REST: variants seen among roughly 807,000 people sequenced by gnomAD.
REST encodes RE1 silencing transcription factor, also known as RE1-silencing transcription factor.
In REST, 1 loss-of-function variant was observed where a neutral mutation model predicts 30.4. That is an observed-to-expected ratio of 0.03 (90% CI 0.01 to 0.16). The LOEUF is 0.16. REST is among the 10% of genes least tolerant of loss of function. The pLI is 1.00. For missense variants in REST, 1,259 were observed against 1,329.5 expected (o/e 0.95, Z 0.82); for synonymous variants, 504 against 451.1 (o/e 1.12, Z -1.49).
intron 1 of REST, 66 bp from the exon 2 acceptor site, chr4:56,910,564 G>A (rs2109522233): frequency 1.1e-5 from 15 of 1,340,154 alleles, no homozygotes; most frequent in Non-Finnish European, 1.4e-5. Flanking sequence ...TTACAGCGAT[G>A]TGGTTTTAAG....
Position 56,911,231 on chromosome 4 carries a change from C to T in REST, c.593C>T (p.Ala198Val), listed in dbSNP as rs745876653. ...VEESAEKQAK[A>V]RESGSSTAEE... ...GAGAGTGCAGAGAAGCAGGCAAAAG[C>T]CAGGGAATCTGGCTCTTCCACTGCA... is the stretch of plus-strand genomic sequence containing the variant. The change falls in exon 2 of 4, where the codon GCC (alanine) becomes GTC (valine). Residue 198 changes from alanine to valine, a missense_variant. Ala to Val is a moderately conservative substitution (Grantham distance 64). Around this residue, in one of 5 missense-constraint regions of REST, gnomAD observed 249 missense variants for 251.5 expected, o/e 0.99. Transcript: ENST00000309042. 6.8e-6 allele frequency: 11 copies of T among 1,614,078 alleles called. No homozygotes were observed. In the Admixed American group the frequency reaches 1.7e-4, roughly 24 times the overall value.
In REST at chr4:56,931,278, T is replaced by C; in HGVS notation, c.2420T>C (p.Met807Thr). ...CCTCCCAGAGAGCCTCCCCTTCACA[T>C]GGAGCCAATTTCCAAAAAGCCTCCT... is the stretch of plus-strand genomic sequence containing the variant. ...PPPPREPPLH[M>T]EPISKKPPLR... The change falls in exon 4 of 4, where the codon ATG (methionine) becomes ACG (threonine). Residue 807 changes from methionine (M) to threonine (T), a missense_variant. Around this residue, in one of 5 missense-constraint regions of REST, gnomAD observed 856 missense variants for 772.8 expected, o/e 1.11. Coordinates refer to ENST00000309042, the MANE Select transcript of REST (RefSeq NM_005612.5). The C allele has an allele frequency of 6.2e-7, 1 of 1,614,182 alleles. No individual in the cohort carries two copies. Among genetic ancestry groups the C allele is most frequent in the Middle Eastern group, 1.6e-4 (1 of 6,062 alleles).
chr4:56,931,116 T>A lies in REST; in HGVS notation c.2258T>A (p.Met753Lys). The change falls in exon 4 of 4, where the codon ATG becomes AAG. Residue 753 changes from methionine to lysine, a missense_variant. This residue lies in a region of REST where 856 missense variants were observed against 772.8 expected (regional missense o/e 1.11). Coordinates refer to ENST00000309042, the MANE Select transcript of REST (RefSeq NM_005612.5). Reference protein sequence around the residue: ...EPVQIELSPPMEVVQKEPVKI... With the variant: ...EPVQIELSPPKEVVQKEPVKI... ...GTTCAGATAGAGCTGTCTCCTCCCATGGAGGTGGTCCAGAAGGAACCTGTT... is the reference window on the plus strand; with the variant it reads ...GTTCAGATAGAGCTGTCTCCTCCCAAGGAGGTGGTCCAGAAGGAACCTGTT... 6.3e-7 allele frequency: 1 copy of A among 1,599,514 alleles called. No individual in the cohort carries two copies. The highest frequency in any genetic ancestry group is 8.6e-7 in the Non-Finnish European group (1 of 1,169,288).
rs779188313 is a variant in REST, at chr4:56,931,619, T to C, written c.2761T>C (p.Ser921Pro). The C allele has an allele frequency of 3.1e-6, 5 of 1,614,116 alleles. No homozygotes were observed. In the East Asian group the frequency reaches 8.9e-5, roughly 29 times the overall value. The change falls in exon 4 of 4, where the codon TCC becomes CCC. Residue 921 changes from serine (S) to proline (P), a missense_variant. Ser to Pro is a moderately conservative substitution (Grantham distance 74). Coordinates refer to ENST00000309042, the MANE Select transcript of REST (RefSeq NM_005612.5). Reference protein sequence around the residue: ...ANINESTHISSSGQNLNTPEG... With the variant: ...ANINESTHISPSGQNLNTPEG... ...TATCAACGAATCTACCCATATTTCA[T>C]CCTCTGGACAAAACTTGAATACGCC... is the stretch of plus-strand genomic sequence containing the variant.
chr4:56,921,454 G>C (rs1720449347), intron 3 of REST, among the ~76,000 whole-genome samples: 1 of 151,916 alleles, frequency 6.6e-6, no homozygotes, highest in South Asian at 2.1e-4. Context: ...TATCCCCCAG[G>C]CTGGAGTGCA....
Position 56,930,633 on chromosome 4 carries a change from G to A in REST, c.1775G>A (p.Ser592Asn). 1.2e-6 allele frequency: 2 copies of A among 1,613,274 alleles called. No individual in the cohort carries two copies. Among genetic ancestry groups the A allele is most frequent in the Non-Finnish European group, 1.7e-6 (2 of 1,179,904 alleles). Residue 592 changes from serine (S) to asparagine (N), a missense_variant, in exon 4 of 4, where the codon AGC (serine) becomes AAC (asparagine). Physicochemically the swap from Ser to Asn is conservative, Grantham distance 46. Coordinates refer to ENST00000309042, the MANE Select transcript of REST (RefSeq NM_005612.5). ...KTLKNKSSKKSSKPPQKEPVE... is the reference protein window; with the variant it reads ...KTLKNKSSKKNSKPPQKEPVE... ...CTGAAAAATAAATCAAGTAAGAAAA[G>A]CAGTAAGCCTCCTCAGAAGGAACCT...
rs763808162 is a variant in REST, at chr4:56,931,598, A to G, written c.2740A>G (p.Asn914Asp). ...CCTACCTGGTCTTGCTGCTAATATC[A>G]ACGAATCTACCCATATTTCATCCTC... Reference protein sequence around the residue: ...ESLPGLAANINESTHISSSGQ... With the variant: ...ESLPGLAANIDESTHISSSGQ... The change falls in exon 4 of 4, where the codon AAC becomes GAC. Residue 914 changes from asparagine (N) to aspartate (D), a missense_variant. Asn to Asp is a conservative substitution (Grantham distance 23, BLOSUM62 1). Around this residue, in one of 5 missense-constraint regions of REST, gnomAD observed 856 missense variants for 772.8 expected, o/e 1.11. Transcript: ENST00000309042. 1.2e-6 allele frequency: 2 copies of G among 1,614,222 alleles called. No individual in the cohort carries two copies. The highest frequency in any genetic ancestry group is 1.7e-6 in the Non-Finnish European group (2 of 1,180,042).
chr4:56,919,653 C>T (rs1055975290), intron 2 of REST, 134 bp from the exon 3 acceptor site: 3 of 462,140 alleles, frequency 6.5e-6, no homozygotes, highest in Non-Finnish European at 1.2e-5. Flanking sequence ...ATAAATTGAT[C>T]TTTTTGCCAG....
rs774755645 is a variant in REST at position 56,929,711 on chromosome 4, G to A, written c.983-130G>A. 7.7e-6 allele frequency: 5 copies of A among 651,882 alleles called. No homozygotes were observed. The South Asian group carries it at 1.6e-4, about 21-fold the overall frequency. The allele number at this position is 651,882 out of a possible 1,614,324, so 40.4% of individuals were successfully genotyped here. A position where few individuals can be genotyped will look rare whatever the true frequency, so the allele number is the denominator to read the frequency against. ...GAGAAATGTTATACAAATAAATATGGTAAATGTAAGGTGCATGATACAGCA... is the reference window on the plus strand; with the variant it reads ...GAGAAATGTTATACAAATAAATATGATAAATGTAAGGTGCATGATACAGCA... On this transcript the variant is annotated intron_variant, in intron 3 of 3. Transcript: ENST00000309042.
intron 3 of REST, among the ~76,000 whole-genome samples, chr4:56,926,387 A>AT (rs1231446123): frequency 6.9e-6 from 1 of 145,924 alleles, no homozygotes; most frequent in African/African-American, 2.5e-5. Flanking sequence ...TTATTTATTT[A>AT]TTTTTTTGAG....
rs1719904841 is a variant in REST at position 56,911,430 on chromosome 4, G to A, written c.792G>A (p.Arg264=). The A allele has an allele frequency of 3.1e-6, 5 of 1,613,998 alleles. 1 individual carries two copies. In the South Asian group the frequency reaches 4.4e-5, roughly 14 times the overall value. ...CAACAGTGAGCGAGTATCACTGGAG[G>A]AAACATTTAAGAAACCATTTTCCAA... is the stretch of plus-strand genomic sequence containing the variant. ...TYTTVSEYHW[R]KHLRNHFPRK... is the part of the protein sequence containing the mutation. Residue 264 remains arginine, a synonymous_variant, in exon 2 of 4, where the codon AGG becomes AGA. Transcript: ENST00000309042.
Position 56,931,818 on chromosome 4 carries a change from A to G in REST, c.2960A>G (p.Lys987Arg), listed in dbSNP as rs1720987499. The G allele has an allele frequency of 1.2e-6, 2 of 1,614,180 alleles. No individual in the cohort carries two copies. The highest frequency in any genetic ancestry group is 2.2e-5 in the East Asian group (1 of 44,888). Residue 987 changes from lysine (K) to arginine (R), a missense_variant, in exon 4 of 4, where the codon AAA becomes AGA. Physicochemically the swap from Lys to Arg is conservative, Grantham distance 26. Transcript: ENST00000309042. Reference sequence around the variant, plus strand: ...GTAGAAGAACGTGAAGCAGTGTCCAAAACTGCACTGGCATCACCTCCTGCT... The same window carrying G: ...GTAGAAGAACGTGAAGCAGTGTCCAGAACTGCACTGGCATCACCTCCTGCT... Reference protein sequence around the residue: ...SAVEEREAVSKTALASPPATM... With the variant: ...SAVEEREAVSRTALASPPATM...
chr4:56,923,965 C>T (rs140365450), intron 3 of REST, among the ~76,000 whole-genome samples: 4,023 of 152,194 alleles, frequency 0.026, 194 homozygotes, highest in African/African-American at 0.092. Context: ...TCATGATCTG[C>T]CCGCCTCAGC....
At position 56,910,708 on chromosome 4, in the gene REST, A is replaced by G. The variant is rs777368920; in HGVS notation, c.70A>G (p.Met24Val). 1.7e-4 allele frequency: 280 copies of G among 1,614,068 alleles called. 1 individual carries two copies. Among genetic ancestry groups the G allele is most frequent in the Non-Finnish European group, 2.3e-4 (267 of 1,180,040 alleles). Reference protein sequence around the residue: ...GLFTSSGNIGMALPNDMYDLH... With the variant: ...GLFTSSGNIGVALPNDMYDLH... The stretch of plus-strand genomic sequence containing the variant: ...GTTTACCAGCAGTGGCAACATTGGA[A>G]TGGCCCTGCCTAACGACATGTATGA... The change falls in exon 2 of 4, where the codon ATG (methionine) becomes GTG (valine). Residue 24 changes from methionine to valine, a missense_variant. Around this residue, in one of 5 missense-constraint regions of REST, gnomAD observed 249 missense variants for 251.5 expected, o/e 0.99. Coordinates refer to ENST00000309042, the MANE Select transcript of REST (RefSeq NM_005612.5).
Position 56,931,855 on chromosome 4 carries a change from A to G in REST, c.2997A>G (p.Ala999=). The part of the protein sequence containing the change: ...ALASPPATMA[A]NESQEIDEDE... Reference sequence around the variant, plus strand: ...CATCACCTCCTGCTACAATGGCAGCAAATGAGTCTCAGGAAATTGATGAAG... The same window carrying G: ...CATCACCTCCTGCTACAATGGCAGCGAATGAGTCTCAGGAAATTGATGAAG... The change falls in exon 4 of 4, where the codon GCA becomes GCG. Residue 999 remains alanine (A), a synonymous_variant. Transcript: ENST00000309042. 1 of 1,614,256 alleles carries G rather than the reference A, an allele frequency of 6.2e-7. No individual in the cohort carries two copies. The highest frequency in any genetic ancestry group is 8.5e-7 in the Non-Finnish European group (1 of 1,180,048).
In REST at chr4:56,935,640, T is replaced by C. The variant is rs982699676; in HGVS notation, c.*3488T>C. 2 of 152,238 alleles carry C rather than the reference T, an allele frequency of 1.3e-5. No homozygotes were observed. Among genetic ancestry groups the C allele is most frequent in the African/African-American group, 4.8e-5 (2 of 41,458 alleles). 9.4% of individuals were successfully genotyped at this position (152,238 alleles called of 1,614,324 possible). ...TTCTCAAGGTTCTTGCTGCCTTCTT[T>C]AGCAGCATTTGATGGAAGATCTTTT... On this transcript the variant is annotated 3_prime_UTR_variant, in exon 4 of 4. Transcript: ENST00000309042.
chr4:56,921,616 G>A (rs1720457355), intron 3 of REST, among the ~76,000 whole-genome samples: 1 of 152,052 alleles, frequency 6.6e-6, no homozygotes, highest in Admixed American at 6.6e-5. Context: ...CGCCATGTTG[G>A]TCAGCTTGGT....
Position 56,932,225 on chromosome 4 carries a change from A to G in REST, c.*73A>G. The G allele has an allele frequency of 6.8e-7, 1 of 1,461,590 alleles. No individual in the cohort carries two copies. Among genetic ancestry groups the G allele is most frequent in the East Asian group, 2.3e-5 (1 of 43,728 alleles). 90.5% of individuals were successfully genotyped at this position (1,461,590 alleles called of 1,614,324 possible). A position where few individuals can be genotyped will look rare whatever the true frequency, so the allele number is the denominator to read the frequency against. ...ATTTTATATTCATTTATGATAGCAG[A>G]CAACCTTTTAAGATTGCTTTAATTA... On this transcript the variant is annotated 3_prime_UTR_variant, in exon 4 of 4. Transcript: ENST00000309042.
intron 2 of REST, among the ~76,000 whole-genome samples, chr4:56,912,734 G>A (rs1467281937): frequency 6.6e-6 from 1 of 151,884 alleles, no homozygotes; most frequent in Non-Finnish European, 1.5e-5. Context: ...GGCTGGTCTT[G>A]AACTCCTGAC....
Sources: gnomAD v4.1 joint callset for allele counts (sites outside exome capture counted in the v4.1 genomes callset) on GRCh38, gnomAD v4.1.1 for gene constraint, gnomAD v4.1.1 regional missense constraint, MANE v1.5 for transcripts, NCBI Gene and HGNC (gene_info 2026-07-23, HGNC 2026-07-21) for gene names.